The following PCDHGB2 variants were observed in gnomAD, a reference collection of about 807,000 sequenced individuals.
PCDHGB2 encodes the protein protocadherin gamma subfamily B, 2.
Under a neutral mutation model 59.3 loss-of-function variants are expected in PCDHGB2, and 55 were observed. That is an observed-to-expected ratio of 0.93 (90% CI 0.75 to 1.16). The LOEUF (loss-of-function observed/expected upper bound fraction) is 1.16, where lower values mean the gene tolerates loss of function less well. PCDHGB2 is among the 50% of genes most tolerant of loss of function. The pLI is 0.00. For synonymous variants in PCDHGB2, 516 were observed against 512.0 expected (o/e 1.01, Z -0.11); for missense variants, 1,228 against 1,198.5 (o/e 1.02, Z -0.36).
intron 1 of PCDHGB2, chr5:141,423,606 GAT>G: frequency 6.2e-7 from 1 of 1,612,164 alleles, no homozygotes; most frequent in African/African-American, 1.3e-5. Flanking sequence ...AGCCACTCTT[GAT>G]AGCTGAAGAC....
intron 2 of PCDHGB2, among the ~76,000 whole-genome samples, chr5:141,500,189 TTTATTTATTTA>T (rs1562193895): frequency 9.9e-5 from 11 of 110,956 alleles, no homozygotes; most frequent in Middle Eastern, 4.3e-3. Flanking sequence ...TTTATTTTTA[TTTATTTATTTA>T]TTTATTTATT....
At chr5:141,384,755 T>C (rs1780456507) in intron 1 of PCDHGB2, 1 of 1,613,938 alleles carries the variant, frequency 6.2e-7, no homozygotes, top group South Asian at 1.1e-5. Flanking sequence ...CTCTTTGCGG[T>C]TGGGCTGTAC....
chr5:141,394,640 C>T (rs1316258017), intron 1 of PCDHGB2: 2 of 1,613,310 alleles, frequency 1.2e-6, no homozygotes, highest in Non-Finnish European at 1.7e-6. Flanking sequence ...ACCGCCTGCT[C>T]AAGGCCAGCG....
intron 1 of PCDHGB2, chr5:141,414,659 T>A (rs566999623): frequency 6.2e-7 from 1 of 1,614,010 alleles, no homozygotes; most frequent in South Asian, 1.1e-5. Flanking sequence ...ATTTACTCCC[T>A]GGCTGAAGAC....
rs2099399818 is a variant in PCDHGB2, at chr5:141,476,845, C to G, written c.2422-17962C>G. 6.2e-7 allele frequency: 1 copy of G among 1,613,794 alleles called. No individual in the cohort carries two copies. Among genetic ancestry groups the G allele is most frequent in the African/African-American group, 1.3e-5 (1 of 75,078 alleles). ...TGGACGCGAATGACAATGCGCCTGTCTTCAACCAGTCCTTGTACCGGGCGC... is the reference window on the plus strand; with the variant it reads ...TGGACGCGAATGACAATGCGCCTGTGTTCAACCAGTCCTTGTACCGGGCGC... On this transcript the variant is annotated intron_variant, in intron 1 of 3. Transcript: ENST00000522605. This position sits in a 1 kb window ranked among gnomAD's most constrained non-coding sequence, Gnocchi z 7.6.
intron 1 of PCDHGB2, chr5:141,364,607 G>C (rs775025025): frequency 1.9e-6 from 3 of 1,614,080 alleles, no homozygotes; most frequent in African/African-American, 2.7e-5. Flanking sequence ...GATAGACCGG[G>C]AGGAGCTCTG....
At chr5:141,414,132 T>A in intron 1 of PCDHGB2, 1 of 1,594,828 alleles carries the variant, frequency 6.3e-7, no homozygotes, top group South Asian at 1.1e-5. Flanking sequence ...CCGGTTTCTA[T>A]GAAATAGAAA....
intron 1 of PCDHGB2, among the ~76,000 whole-genome samples, chr5:141,369,209 C>T (rs567971438): frequency 1.3e-5 from 2 of 151,888 alleles, no homozygotes; most frequent in South Asian, 2.1e-4. Context: ...AAACTGGGGA[C>T]CAAGGAAAAG....
At position 141,511,241 on chromosome 5, in the gene PCDHGB2, C is replaced by G; in HGVS notation, c.*68C>G. ...CCAGCCCAGCTTCTCCTTACCTGCA[C>G]CCAGGCCTCAGAGTTTCAGGGCTAA... On this transcript the variant is annotated 3_prime_UTR_variant, in exon 4 of 4. Transcript: ENST00000522605. 1 of 1,585,214 alleles carries G rather than the reference C, an allele frequency of 6.3e-7. No individual in the cohort carries two copies. The highest frequency in any genetic ancestry group is 1.1e-5 in the South Asian group (1 of 87,760).
At chr5:141,483,972 A>G in intron 1 of PCDHGB2, among the ~76,000 whole-genome samples, 1 of 83,960 alleles carries the variant, frequency 1.2e-5, no homozygotes, top group Admixed American at 1.8e-4. Context: ...TGCTTGTGCA[A>G]GGGAGTAGCT....
chr5:141,376,576 T>G, intron 1 of PCDHGB2: 1 of 1,596,960 alleles, frequency 6.3e-7, no homozygotes, highest in Non-Finnish European at 8.5e-7. Context: ...TCAGACAGGC[T>G]CATCAGCTAG....
chr5:141,380,370 G>T (rs1427266285), intron 1 of PCDHGB2, among the ~76,000 whole-genome samples: 2 of 152,084 alleles, frequency 1.3e-5, no homozygotes, highest in Admixed American at 1.3e-4. Context: ...AGAAAAAAAA[G>T]TCCCAAAAAA....
intron 1 of PCDHGB2, among the ~76,000 whole-genome samples, chr5:141,447,063 G>C (rs762309557): frequency 6.6e-6 from 1 of 152,028 alleles, no homozygotes; most frequent in South Asian, 2.1e-4. Context: ...AATGTGTCAG[G>C]CTGTTTTAAT....
At chr5:141,444,670 C>G (rs1174911888) in intron 1 of PCDHGB2, among the ~76,000 whole-genome samples, 1 of 152,052 alleles carries the variant, frequency 6.6e-6, no homozygotes, top group African/African-American at 2.4e-5. Context: ...CCATTTTTTT[C>G]AATACCATTT....
chr5:141,471,789 TCATATAAAAGA>T (rs777265354), intron 1 of PCDHGB2, among the ~76,000 whole-genome samples: 14 of 152,224 alleles, frequency 9.2e-5, no homozygotes, highest in Non-Finnish European at 1.9e-4. Flanking sequence ...TTATGCTATG[TCATATAAAAGA>T]CATATAAAAG....
intron 1 of PCDHGB2, chr5:141,383,069 G>A (rs370612007): frequency 6.2e-7 from 1 of 1,613,886 alleles, no homozygotes; most frequent in South Asian, 1.1e-5. Flanking sequence ...CTGGAGCCCC[G>A]GGAGCTGGCG....
rs760367783 is a variant in PCDHGB2 at position 141,394,819 on chromosome 5, C to T, written c.2421+32263C>T. The T allele has an allele frequency of 2.5e-6, 4 of 1,613,890 alleles. No individual in the cohort carries two copies. In the South Asian group the frequency reaches 4.4e-5, roughly 18 times the overall value. On this transcript the variant is annotated intron_variant, in intron 1 of 3. Transcript: ENST00000522605. ...ACCGTAGCCGTGGCTGACAGCATCCCCGAAGTCCTGACCGAGTTGGGCAGT... is the reference window on the plus strand; with the variant it reads ...ACCGTAGCCGTGGCTGACAGCATCCTCGAAGTCCTGACCGAGTTGGGCAGT...
chr5:141,468,820 C>G (rs1055751689), intron 1 of PCDHGB2, among the ~76,000 whole-genome samples: 1 of 151,830 alleles, frequency 6.6e-6, no homozygotes, highest in Non-Finnish European at 1.5e-5. Context: ...GAGCCAAGAT[C>G]AAGCCACTGC....
chr5:141,446,854 C>T (rs1474444931), intron 1 of PCDHGB2, among the ~76,000 whole-genome samples: 1 of 152,134 alleles, frequency 6.6e-6, no homozygotes, highest in Non-Finnish European at 1.5e-5. Context: ...AATAAGCTTC[C>T]TGATAGCTCT....
Sources: allele counts gnomAD v4.1 joint callset (sites outside exome capture counted in the v4.1 genomes callset), GRCh38; gene constraint gnomAD v4.1.1; non-coding constraint Gnocchi (gnomAD v3.1); transcripts MANE v1.5; gene names NCBI Gene and HGNC (gene_info 2026-07-23, HGNC 2026-07-21).